KCNU1: variants seen among roughly 807,000 people sequenced by gnomAD.
The protein encoded by KCNU1 is potassium channel subfamily U member 1.
Under a neutral mutation model 126.8 loss-of-function variants are expected in KCNU1, and 93 were observed. The ratio of observed to expected loss-of-function variants is 0.73; its 90% CI spans 0.62 to 0.87. KCNU1 has a LOEUF of 0.87. Among genes scored for constraint, KCNU1 ranks in the 40% least tolerant of loss-of-function variants. The probability of loss-of-function intolerance (pLI) is 0.00; values close to 1 mark genes in which losing one functional copy is unlikely to be tolerated. For synonymous variants in KCNU1, 523 were observed against 494.2 expected (o/e 1.06, Z -0.77); for missense variants, 1,330 against 1,367.1 (o/e 0.97, Z 0.43).
intron 22 of KCNU1, among the ~76,000 whole-genome samples, chr8:36,912,823 C>T (rs1807935138): frequency 1.3e-5 from 2 of 152,090 alleles, no homozygotes; most frequent in African/African-American, 2.4e-5. Flanking sequence ...CAAAAATTAG[C>T]TTGGTGTGGT....
intron 7 of KCNU1, among the ~76,000 whole-genome samples, chr8:36,813,658 T>G (rs1441471068): frequency 7.1e-6 from 1 of 141,800 alleles, no homozygotes; most frequent in Non-Finnish European, 1.5e-5. Context: ...GAAAATATTT[T>G]TAAAGGTTTT....
chr8:36,849,037 G>T (rs938122021), intron 18 of KCNU1, among the ~76,000 whole-genome samples: 9 of 152,014 alleles, frequency 5.9e-5, no homozygotes, highest in Admixed American at 5.2e-4. Flanking sequence ...AAATAGAGTT[G>T]TGTAGTCATC....
chr8:36,888,450 T>G, intron 19 of KCNU1: 7 of 439,654 alleles, frequency 1.6e-5, no homozygotes, highest in South Asian at 1.1e-4. Context: ...GCTAAGCTAG[T>G]GCCACCTTCA....
chr8:36,847,574 T>C (rs1805196242), intron 18 of KCNU1, among the ~76,000 whole-genome samples: 1 of 152,180 alleles, frequency 6.6e-6, no homozygotes. Flanking sequence ...GTTTTTTAGC[T>C]CCCATGTGTG....
At chr8:36,853,439 G>A (rs1000593643) in intron 18 of KCNU1, among the ~76,000 whole-genome samples, 4 of 152,044 alleles carry the variant, frequency 2.6e-5, no homozygotes, top group African/African-American at 9.7e-5. Flanking sequence ...AATGTGTTAT[G>A]TTTTTATTTT....
At chr8:36,911,405 T>C (rs1807869996) in intron 22 of KCNU1, among the ~76,000 whole-genome samples, 1 of 152,196 alleles carries the variant, frequency 6.6e-6, no homozygotes, top group African/African-American at 2.4e-5. Flanking sequence ...GTTATCATTT[T>C]TGTTGTTATG....
At chr8:36,921,481 C>G (rs1348089900) in intron 23 of KCNU1, among the ~76,000 whole-genome samples, 1 of 151,822 alleles carries the variant, frequency 6.6e-6, no homozygotes, top group Non-Finnish European at 1.5e-5. Flanking sequence ...GAGTTTGAGA[C>G]CAGCCTGGCC....
chr8:36,926,201 A>C (rs1409621564), intron 24 of KCNU1, among the ~76,000 whole-genome samples: 3 of 152,162 alleles, frequency 2.0e-5, no homozygotes, highest in Non-Finnish European at 4.4e-5. Flanking sequence ...TAATCTGCCA[A>C]AGGCTGCATC....
intron 2 of KCNU1, among the ~76,000 whole-genome samples, chr8:36,791,333 T>C (rs150302473): frequency 6.6e-6 from 1 of 152,202 alleles, no homozygotes; most frequent in African/African-American, 2.4e-5. Flanking sequence ...CATAACTGAC[T>C]GTGTTTCTCT....
chr8:36,903,529 A>T (rs1329607872), intron 19 of KCNU1, among the ~76,000 whole-genome samples: 2 of 152,180 alleles, frequency 1.3e-5, no homozygotes, highest in African/African-American at 4.8e-5. Context: ...AAATAAATAA[A>T]TAAAATAAGT....
intron 24 of KCNU1, among the ~76,000 whole-genome samples, chr8:36,928,398 G>C (rs1386310614): frequency 6.6e-6 from 1 of 151,952 alleles, no homozygotes; most frequent in Admixed American, 6.6e-5. Context: ...GGTTCAACCT[G>C]GATTTATGTC....
chr8:36,813,088 T>G (rs1471628167), intron 7 of KCNU1, among the ~76,000 whole-genome samples: 1 of 152,146 alleles, frequency 6.6e-6, no homozygotes, highest in Admixed American at 6.6e-5. Context: ...TGGAAAACAG[T>G]GAAGACTCCA....
At chr8:36,882,428 T>A (rs1051923437) in intron 19 of KCNU1, among the ~76,000 whole-genome samples, 1 of 152,222 alleles carries the variant, frequency 6.6e-6, no homozygotes, top group Non-Finnish European at 1.5e-5. Flanking sequence ...TAGTTATGTA[T>A]GCAGAGCTAG....
chr8:36,910,635 C>T (rs1033176689), intron 21 of KCNU1, among the ~76,000 whole-genome samples: 1 of 152,200 alleles, frequency 6.6e-6, no homozygotes, highest in Non-Finnish European at 1.5e-5. Context: ...TGACCCTACT[C>T]TCTTCTTCCA....
chr8:36,798,192 A>G (rs1369921072), intron 2 of KCNU1, among the ~76,000 whole-genome samples: 1 of 152,028 alleles, frequency 6.6e-6, no homozygotes, highest in African/African-American at 2.4e-5. Context: ...CCTTCCTCTT[A>G]GGTCTTGAGG....
intron 2 of KCNU1, among the ~76,000 whole-genome samples, chr8:36,793,900 A>G (rs1802993748): frequency 6.6e-6 from 1 of 151,868 alleles, no homozygotes; most frequent in Non-Finnish European, 1.5e-5. Context: ...CTAAATATGC[A>G]AAAATTGGCC....
chr8:36,849,887 T>C (rs1805282418), intron 18 of KCNU1, among the ~76,000 whole-genome samples: 3 of 152,200 alleles, frequency 2.0e-5, no homozygotes, highest in Non-Finnish European at 4.4e-5. Context: ...GTTTCATTAT[T>C]TGCAGAATCA....
Position 36,818,490 on chromosome 8 carries a change from AT to A in KCNU1, c.1106+737del, listed in dbSNP as rs552736387. Among the ~76,000 whole-genome samples, 5 of 151,376 alleles carry A rather than the reference AT, an allele frequency of 3.3e-5. No homozygotes were observed. The East Asian group carries it at 9.7e-4, about 29-fold the overall frequency. On this transcript the variant is annotated intron_variant, in intron 10 of 26. Coordinates refer to ENST00000399881, the MANE Select transcript of KCNU1 (RefSeq NM_001031836.3). ...GTTTTTCTTCCAACTTCACCTTTTA[AT>A]TTTTTTCGTGCTTTTATTTTCATAC...
At chr8:36,851,738 T>A (rs1301200852) in intron 18 of KCNU1, among the ~76,000 whole-genome samples, 1 of 152,214 alleles carries the variant, frequency 6.6e-6, no homozygotes, top group African/African-American at 2.4e-5. Context: ...AAAATTGTTT[T>A]TTAGCTTTAT....
Sources: gnomAD v4.1 joint callset for allele counts (sites outside exome capture counted in the v4.1 genomes callset) on GRCh38, gnomAD v4.1.1 for gene constraint, MANE v1.5 for transcripts, NCBI Gene and HGNC (gene_info 2026-07-23, HGNC 2026-07-21) for gene names.